Variants in TFRC observed in about 807,000 individuals in gnomAD.
TFRC encodes transferrin receptor protein 1.
In TFRC, 35 loss-of-function variants were observed where a neutral mutation model predicts 85.8. That is an observed-to-expected ratio of 0.41 (90% CI 0.31 to 0.54). The LOEUF (loss-of-function observed/expected upper bound fraction) is 0.54. Among genes scored for constraint, TFRC ranks in the 20% least tolerant of loss-of-function variants. The pLI is 0.31. For synonymous variants in TFRC, 362 were observed against 328.6 expected (o/e 1.10, Z -1.10); for missense variants, 828 against 921.5 (o/e 0.90, Z 1.31).
At chr3:196,070,773 C>CT (rs1718121891) in intron 6 of TFRC, among the ~76,000 whole-genome samples, 8 of 45,272 alleles carry the variant, frequency 1.8e-4, no homozygotes, top group South Asian at 1.1e-3. Context: ...CTGTCTCTAC[C>CT]AAATAATAAT....
At chr3:196,063,131 G>GA in intron 11 of TFRC, 192 bp from the exon 12 acceptor site, 1 of 526,734 alleles carries the variant, frequency 1.9e-6, no homozygotes, top group Non-Finnish European at 3.3e-6. Context: ...AAGAATAAAA[G>GA]AATAGGAATA....
At chr3:196,053,681 C>T (rs542864082) in intron 17 of TFRC, 123 bp from the exon 18 acceptor site, 2 of 1,209,048 alleles carry the variant, frequency 1.7e-6, no homozygotes, top group Admixed American at 4.1e-5. Context: ...AAGCTCAAGA[C>T]TCCGAAAGCA....
chr3:196,074,135 CAA>C lies in TFRC; in HGVS notation c.239-12_239-11del. The C allele has an allele frequency of 6.2e-7, 1 of 1,604,524 alleles. No individual in the cohort carries two copies. Among genetic ancestry groups the C allele is most frequent in the Non-Finnish European group, 8.5e-7 (1 of 1,174,032 alleles). ...TAGCCAATCATAAATCCTAAAGAGA[CAA>C]AGTTCCAGAGCTGAACTCAGAATTT... is the stretch of plus-strand genomic sequence containing the variant. On this transcript the variant is annotated splice_polypyrimidine_tract_variant and intron_variant, in intron 3 of 18. Coordinates refer to ENST00000360110, the MANE Select transcript of TFRC (RefSeq NM_001128148.3).
intron 15 of TFRC, 90 bp downstream of exon 15, chr3:196,058,484 C>G: frequency 6.7e-7 from 1 of 1,486,972 alleles, no homozygotes; most frequent in Non-Finnish European, 9.3e-7. Flanking sequence ...TAAGTAAGTT[C>G]AATGCAAGGA....
At chr3:196,077,431 C>G (rs760361600) in intron 1 of TFRC, among the ~76,000 whole-genome samples, 2 of 150,380 alleles carry the variant, frequency 1.3e-5, no homozygotes, top group African/African-American at 2.4e-5. Context: ...ATTATAAGTA[C>G]GAACCACTAT....
intron 10 of TFRC, 135 bp downstream of exon 10, chr3:196,065,308 C>A (rs1717623881): frequency 6.1e-6 from 3 of 490,102 alleles, no homozygotes; most frequent in Non-Finnish European, 1.1e-5. Context: ...AACTTTAGGA[C>A]AGACAAGATT....
At chr3:196,068,009 G>T in intron 8 of TFRC, 23 bp downstream of exon 8, 1 of 1,588,174 alleles carries the variant, frequency 6.3e-7, no homozygotes, top group South Asian at 1.1e-5. Context: ...TCAAAACGGT[G>T]ATTTACTCAA....
chr3:196,055,417 T>A (rs1186464350), intron 16 of TFRC, 116 bp from the exon 17 acceptor site: 3 of 796,558 alleles, frequency 3.8e-6, no homozygotes, highest in South Asian at 3.2e-5. Context: ...TTCTAACATA[T>A]TCCTACCGCA....
chr3:196,057,369 C>A (rs987564995), intron 16 of TFRC, among the ~76,000 whole-genome samples: 1 of 152,096 alleles, frequency 6.6e-6, no homozygotes, highest in African/African-American at 2.4e-5. Flanking sequence ...TTGATCACGA[C>A]CCTCTCACGC....
At chr3:196,058,951 G>C (rs1717049087) in intron 14 of TFRC, 1 of 165,924 alleles carries the variant, frequency 6.0e-6, no homozygotes, top group Non-Finnish European at 1.3e-5. Context: ...AGGATCACTT[G>C]AGCCCAGAAG....
At chr3:196,070,598 C>G (rs1208523665) in intron 6 of TFRC, among the ~76,000 whole-genome samples, 2 of 151,662 alleles carry the variant, frequency 1.3e-5, no homozygotes, top group African/African-American at 4.9e-5. Flanking sequence ...TATCTGTTCT[C>G]TATTTCTGTG....
chr3:196,053,312 T>C lies in TFRC; in HGVS notation c.2040+106A>G, dbSNP rs1328035221. The C allele has an allele frequency of 5.4e-6, 7 of 1,295,518 alleles. No individual in the cohort carries two copies. In the East Asian group the frequency reaches 9.3e-5, roughly 17 times the overall value. 80.3% of individuals were successfully genotyped at this position (1,295,518 alleles called of 1,614,324 possible). On this transcript the variant is annotated intron_variant, in intron 18 of 18. Coordinates refer to ENST00000360110, the MANE Select transcript of TFRC (RefSeq NM_001128148.3). ...CAGCTAAACCATTAATGCTCCCTTC[T>C]TAAAGGAATTCTAGACTCCTAGAGT...
chr3:196,053,128 A>T (rs41298077), intron 18 of TFRC, among the ~76,000 whole-genome samples: 3,210 of 151,804 alleles, frequency 0.021, 64 homozygotes, highest in African/African-American at 0.052. Context: ...AAAAAAAAAA[A>T]TTTTTTTAAA....
intron 1 of TFRC, among the ~76,000 whole-genome samples, chr3:196,078,265 T>C (rs1196109401): frequency 6.6e-6 from 1 of 152,116 alleles, no homozygotes; most frequent in African/African-American, 2.4e-5. Flanking sequence ...GCTTTTCCTA[T>C]ATACGAGTAC....
chr3:196,060,797 C>CAAAAAAAAAAAAA (rs1173946134), intron 13 of TFRC, among the ~76,000 whole-genome samples: 1 of 36,944 alleles, frequency 2.7e-5, no homozygotes, highest in East Asian at 7.9e-4. Context: ...GACTCCATCT[C>CAAAAAAAAAAAAA]AAAAAAAAAA....
rs924981209 is a variant in TFRC at position 196,051,382 on chromosome 3, G to A, written c.*560C>T. The A allele has an allele frequency of 1.8e-5, 4 of 218,752 alleles. No individual in the cohort carries two copies. Among genetic ancestry groups the A allele is most frequent in the African/African-American group, 9.0e-5 (4 of 44,572 alleles). The allele number at this position is 218,752 out of a possible 1,614,324, so 13.6% of individuals were successfully genotyped here. A position where few individuals can be genotyped will look rare whatever the true frequency, so the allele number is the denominator to read the frequency against. On this transcript the variant is annotated 3_prime_UTR_variant, in exon 19 of 19. Transcript: ENST00000360110. Reference sequence around the variant, plus strand: ...CAGTTGAACCTCATTTTATCCAGCAGAAGGACCTCCATTTCAGACCTCATT... The same window carrying A: ...CAGTTGAACCTCATTTTATCCAGCAAAAGGACCTCCATTTCAGACCTCATT...
chr3:196,075,126 G>A, intron 3 of TFRC, 33 bp downstream of exon 3: 1 of 1,552,224 alleles, frequency 6.4e-7, no homozygotes, highest in Non-Finnish European at 8.8e-7. Flanking sequence ...GTTGGTTATA[G>A]AAAACATTGA....
At chr3:196,065,662 T>A (rs1717678050) in intron 9 of TFRC, 62 bp from the exon 10 acceptor site, 1 of 1,499,886 alleles carries the variant, frequency 6.7e-7, no homozygotes, top group African/African-American at 1.4e-5. Context: ...TTTACTCCTG[T>A]CCAGTGAAGT....
chr3:196,075,046 C>CAAAAAAAA lies in TFRC; in HGVS notation c.238+105_238+112dup, dbSNP rs56119775. ...AGGCAAGAGAGTAAGCCTCTGTCTCCAAAAAAAAAAAAAAAAAAAATAAGG... is the reference window on the plus strand; with the variant it reads ...AGGCAAGAGAGTAAGCCTCTGTCTCCAAAAAAAAAAAAAAAAAAAAAAAAAAAATAAGG... On this transcript the variant is annotated intron_variant, in intron 3 of 18. Coordinates refer to ENST00000360110, the MANE Select transcript of TFRC (RefSeq NM_001128148.3). 1.7e-5 allele frequency: 9 copies of CAAAAAAAA among 535,684 alleles called. No individual in the cohort carries two copies. In the Admixed American group the frequency reaches 1.8e-4, roughly 11 times the overall value. 33.2% of individuals were successfully genotyped at this position (535,684 alleles called of 1,614,324 possible). A position where few individuals can be genotyped will look rare whatever the true frequency, so the allele number is the denominator to read the frequency against.
Sources: gnomAD v4.1 joint callset for allele counts (sites outside exome capture counted in the v4.1 genomes callset) on GRCh38, gnomAD v4.1.1 for gene constraint, MANE v1.5 for transcripts, NCBI Gene and HGNC (gene_info 2026-07-23, HGNC 2026-07-21) for gene names.